Variants in RAB40C observed in about 807,000 individuals in gnomAD.
RAB40C encodes ras-related protein Rab-40C.
Under a neutral mutation model 28.1 loss-of-function variants are expected in RAB40C, and 8 were observed. The observed-to-expected ratio is 0.28, with a 90% CI of 0.17 to 0.51. The LOEUF is 0.51. RAB40C is among the 20% of genes least tolerant of loss of function. The pLI is 0.97. For missense variants in RAB40C, 288 were observed against 405.9 expected (o/e 0.71, Z 2.50); for synonymous variants, 201 against 171.7 (o/e 1.17, Z -1.34).
intron 1 of RAB40C, among the ~76,000 whole-genome samples, chr16:593,103 C>A (rs1183759538): frequency 6.6e-6 from 1 of 152,228 alleles, no homozygotes; most frequent in Non-Finnish European, 1.5e-5. Context: ...GGAAGCGCCT[C>A]TGGGCTGTGG....
At chr16:605,923 C>G (rs904824135) in intron 1 of RAB40C, among the ~76,000 whole-genome samples, 2 of 152,214 alleles carry the variant, frequency 1.3e-5, no homozygotes, top group Non-Finnish European at 2.9e-5. Context: ...CTAAGTCCTG[C>G]CTTCCTTTTA....
chr16:597,937 CAAAAAAAAAAA>C (rs57539332), intron 1 of RAB40C, among the ~76,000 whole-genome samples: 9 of 28,466 alleles, frequency 3.2e-4, no homozygotes, highest in South Asian at 1.5e-3. Flanking sequence ...CCCATCTCTA[CAAAAAAAAAAA>C]AAAAAAAAAA....
At chr16:599,363 G>A (rs1356079373) in intron 1 of RAB40C, among the ~76,000 whole-genome samples, 2 of 152,230 alleles carry the variant, frequency 1.3e-5, no homozygotes, top group African/African-American at 4.8e-5. Flanking sequence ...GCAGAGTCTT[G>A]CGCCCACCTG....
chr16:619,501 G>A (rs1053473103), intron 3 of RAB40C, among the ~76,000 whole-genome samples: 2 of 152,224 alleles, frequency 1.3e-5, no homozygotes. Flanking sequence ...CGGAAGGAGG[G>A]CAAGGACGTG....
intron 5 of RAB40C, among the ~76,000 whole-genome samples, 153 bp downstream of exon 5, chr16:626,274 C>A (rs906173021): frequency 6.6e-6 from 1 of 152,176 alleles, no homozygotes; most frequent in African/African-American, 2.4e-5. Context: ...AGGTCAGTGA[C>A]TTGGTAAGAG....
chr16:590,789 T>C (rs1341875602), intron 1 of RAB40C, among the ~76,000 whole-genome samples: 1 of 145,770 alleles, frequency 6.9e-6, no homozygotes, highest in Non-Finnish European at 1.5e-5. Context: ...GTCATGGGCC[T>C]GGGGAAGGTG....
At chr16:611,884 G>C (rs1212176434) in intron 1 of RAB40C, among the ~76,000 whole-genome samples, 2 of 31,084 alleles carry the variant, frequency 6.4e-5, no homozygotes, top group South Asian at 3.0e-3. Context: ...CAGCCGCCCT[G>C]GCCTGTAGAA....
chr16:623,473 C>A (rs1039241147), intron 3 of RAB40C, among the ~76,000 whole-genome samples: 2 of 151,308 alleles, frequency 1.3e-5, no homozygotes, highest in Non-Finnish European at 2.9e-5. Flanking sequence ...CACGGTGAAA[C>A]CCTGTCTCTA....
chr16:596,323 G>C (rs1310915647), intron 1 of RAB40C: 4 of 456,002 alleles, frequency 8.8e-6, no homozygotes, highest in Admixed American at 4.7e-5. Context: ...GAAGATTGCA[G>C]CTGAGAAGGC....
intron 5 of RAB40C, among the ~76,000 whole-genome samples, chr16:626,579 T>G (rs1314888110): frequency 6.6e-6 from 1 of 152,180 alleles, no homozygotes; most frequent in East Asian, 1.9e-4. Context: ...GATTTTGTGG[T>G]GCCTCCCAGC....
intron 4 of RAB40C, 28 bp downstream of exon 4, chr16:625,537 G>A (rs771478109): frequency 5.6e-6 from 9 of 1,605,640 alleles, no homozygotes; most frequent in African/African-American, 2.7e-5. Flanking sequence ...GAGCCCTCCC[G>A]GGGAAGGCAG....
intron 1 of RAB40C, among the ~76,000 whole-genome samples, chr16:600,576 C>G (rs545320425): frequency 6.6e-6 from 1 of 152,242 alleles, no homozygotes; most frequent in South Asian, 2.1e-4. Context: ...CATGGTGAAA[C>G]CCCGTCTCTA....
intron 1 of RAB40C, among the ~76,000 whole-genome samples, chr16:603,245 C>T (rs2036292703): frequency 6.6e-6 from 1 of 152,224 alleles, no homozygotes; most frequent in Non-Finnish European, 1.5e-5. Context: ...CCACAAACTG[C>T]CCTAGAATTT....
intron 5 of RAB40C, 98 bp downstream of exon 5, chr16:626,219 C>T: frequency 1.6e-6 from 2 of 1,281,040 alleles, no homozygotes; most frequent in Non-Finnish European, 2.2e-6. Context: ...GAGGGAGGTT[C>T]AGGCAGGTCC....
rs1219889280 is a variant in RAB40C, at chr16:618,324, G to A, written c.264+64G>A. ...ATGTTTCTCCTGATTCTTTCTGAATGTGAGTTGTTGTCCTGTCAAACTCCC... is the reference window on the plus strand; with the variant it reads ...ATGTTTCTCCTGATTCTTTCTGAATATGAGTTGTTGTCCTGTCAAACTCCC... On this transcript the variant is annotated intron_variant, in intron 3 of 5. Coordinates refer to ENST00000248139, the MANE Select transcript of RAB40C (RefSeq NM_021168.5). 2.0e-6 allele frequency: 3 copies of A among 1,470,456 alleles called. No homozygotes were observed. In the African/African-American group the frequency reaches 4.3e-5, roughly 21 times the overall value. The allele number at this position is 1,470,456 out of a possible 1,614,324, so 91.1% of individuals were successfully genotyped here.
intron 1 of RAB40C, among the ~76,000 whole-genome samples, chr16:613,320 G>A (rs1018982708): frequency 2.0e-5 from 3 of 151,770 alleles, no homozygotes; most frequent in Admixed American, 6.6e-5. Flanking sequence ...AGGGACAGCC[G>A]CCCTCGCCTG....
At chr16:589,424 C>G (rs1314757628), upstream of RAB40C, 1 of 152,276 alleles carries the variant, frequency 6.6e-6, no homozygotes, top group African/African-American at 2.4e-5. Flanking sequence ...CTGCGAGGGG[C>G]TTTCGTTTCC....
chr16:628,494 G>C lies in RAB40C; in HGVS notation c.*872G>C, dbSNP rs2036889630. On this transcript the variant is annotated 3_prime_UTR_variant, in exon 6 of 6. Transcript: ENST00000248139. ...TCGGCAGCTTCTGTCGCTGGCCCTGGGGTCCCCACAGCTGCAGCTCTCCTG... is the reference window on the plus strand; with the variant it reads ...TCGGCAGCTTCTGTCGCTGGCCCTGCGGTCCCCACAGCTGCAGCTCTCCTG... The C allele has an allele frequency of 6.6e-6, 1 of 152,268 alleles. No homozygotes were observed. Among genetic ancestry groups the C allele is most frequent in the Non-Finnish European group, 1.5e-5 (1 of 68,082 alleles). 9.4% of individuals were successfully genotyped at this position (152,268 alleles called of 1,614,324 possible).
rs181055164 is a variant in RAB40C at position 626,125 on chromosome 16, G to C, written c.565+4G>C. On this transcript the variant is annotated splice_donor_region_variant and intron_variant, in intron 5 of 5. Transcript: ENST00000248139. ...AAGATCTGGAGGCCCAACCGAGGTG[G>C]GTGGGCGGGCGCCGGCCAGCCCTGA... 123 of 1,611,452 alleles carry C rather than the reference G, an allele frequency of 7.6e-5. No individual in the cohort carries two copies. In the African/African-American group the frequency reaches 1.5e-3, roughly 20 times the overall value.
Sources: allele counts gnomAD v4.1 joint callset (sites outside exome capture counted in the v4.1 genomes callset), GRCh38; gene constraint gnomAD v4.1.1; transcripts MANE v1.5; gene names NCBI Gene and HGNC (gene_info 2026-07-23, HGNC 2026-07-21).